The following AK5 variants were observed in gnomAD, a reference collection of about 807,000 sequenced individuals.
AK5 encodes the protein adenylate kinase isoenzyme 5.
In AK5, 27 loss-of-function variants were observed where a neutral mutation model predicts 69.5. The observed-to-expected ratio is 0.39, with a 90% CI of 0.29 to 0.54. The LOEUF is 0.54. Among genes scored for constraint, AK5 ranks in the 20% least tolerant of loss-of-function variants. The pLI is 0.71. For synonymous variants in AK5, 260 were observed against 244.4 expected, an observed-to-expected ratio of 1.06 and a Z score of -0.60; for missense variants, 531 against 700.4, an observed-to-expected ratio of 0.76 and a Z score of 2.73.
At chr1:77,530,275 G>A (rs140594929) in intron 12 of AK5, among the ~76,000 whole-genome samples, 4 of 152,148 alleles carry the variant, frequency 2.6e-5, no homozygotes, top group African/African-American at 9.7e-5. Flanking sequence ...AATGGTGTGT[G>A]GGGGGAGAAG....
At chr1:77,525,778 T>C (rs562951797) in intron 12 of AK5, among the ~76,000 whole-genome samples, 1 of 152,318 alleles carries the variant, frequency 6.6e-6, no homozygotes, top group African/African-American at 2.4e-5. Context: ...TGAGAGTTTA[T>C]TTTTGGACTG....
chr1:77,389,181 CAG>C (rs899519453), intron 6 of AK5, among the ~76,000 whole-genome samples: 1 of 152,166 alleles, frequency 6.6e-6, no homozygotes, highest in Non-Finnish European at 1.5e-5. Context: ...CTGATGTCTC[CAG>C]AGAGAGACTG....
At chr1:77,504,208 T>TC (rs1320099946) in intron 10 of AK5, among the ~76,000 whole-genome samples, 1 of 152,140 alleles carries the variant, frequency 6.6e-6, no homozygotes, top group Non-Finnish European at 1.5e-5. Context: ...TTTTATTATT[T>TC]CCCCCTAAGT....
chr1:77,482,925 C>T (rs375513760), intron 8 of AK5, among the ~76,000 whole-genome samples: 6 of 143,000 alleles, frequency 4.2e-5, no homozygotes, highest in Non-Finnish European at 9.1e-5. Context: ...TACCACTAAG[C>T]TTCTGATACC....
chr1:77,408,799 G>A (rs747430873), intron 6 of AK5, among the ~76,000 whole-genome samples: 32 of 151,862 alleles, frequency 2.1e-4, no homozygotes, highest in Non-Finnish European at 2.8e-4. Flanking sequence ...CACATGTAAA[G>A]GTTTGTTACA....
rs149355360 is a variant in AK5 at position 77,438,348 on chromosome 1, G to A, written c.1059+20633G>A. Among the ~76,000 whole-genome samples the A allele has an allele frequency of 6.8e-3, 883 of 129,132 alleles. 1 individual carries two copies. The highest frequency in any genetic ancestry group is 0.023 in the Middle Eastern group (5 of 218). The allele number at this position is 129,132 out of a possible 152,430, so 84.7% of individuals were successfully genotyped here. A position where few individuals can be genotyped will look rare whatever the true frequency, so the allele number is the denominator to read the frequency against. ...AACAAGCTTGGGGAGTTCAAATAAC[G>A]CCTAAGATGGCCATTGGTTTAAAAA... On this transcript the variant is annotated intron_variant, in intron 8 of 13. Transcript: ENST00000354567.
At chr1:77,303,994 T>C (rs1010055341) in intron 5 of AK5, among the ~76,000 whole-genome samples, 5 of 152,240 alleles carry the variant, frequency 3.3e-5, no homozygotes, top group African/African-American at 1.2e-4. Context: ...CATTTATCCA[T>C]TGAGTTGCAA....
At chr1:77,372,818 T>A (rs2100480464) in intron 6 of AK5, among the ~76,000 whole-genome samples, 1 of 152,182 alleles carries the variant, frequency 6.6e-6, no homozygotes, top group East Asian at 1.9e-4. Context: ...GCATCTTGTA[T>A]ATATGAGTTA....
At chr1:77,367,579 A>ATATGTT (rs71075732) in intron 6 of AK5, among the ~76,000 whole-genome samples, 911 of 53,348 alleles carry the variant, frequency 0.017, 129 homozygotes, top group South Asian at 0.04. Context: ...ATATATATAT[A>ATATGTT]ATATATATGT....
At chr1:77,315,748 T>C (rs1232367408) in intron 5 of AK5, among the ~76,000 whole-genome samples, 1 of 152,186 alleles carries the variant, frequency 6.6e-6, no homozygotes, top group Non-Finnish European at 1.5e-5. Context: ...TGCCAAAGAC[T>C]GGTGAAGCTT....
chr1:77,408,735 G>C (rs879057260), intron 6 of AK5, among the ~76,000 whole-genome samples: 7 of 151,728 alleles, frequency 4.6e-5, no homozygotes, highest in Admixed American at 4.6e-4. Context: ...TTTTATTTTT[G>C]TTTGTCATGT....
At chr1:77,497,273 A>G (rs1183548908) in intron 10 of AK5, among the ~76,000 whole-genome samples, 1 of 152,208 alleles carries the variant, frequency 6.6e-6, no homozygotes, top group Admixed American at 6.5e-5. Flanking sequence ...ACCGGGAGGA[A>G]CAAACAACTC....
At chr1:77,544,254 A>T (rs1471417678) in intron 13 of AK5, among the ~76,000 whole-genome samples, 1 of 152,218 alleles carries the variant, frequency 6.6e-6, no homozygotes, top group African/African-American at 2.4e-5. Context: ...GGTGCTCTGG[A>T]TGAGTCACTG....
intron 8 of AK5, among the ~76,000 whole-genome samples, chr1:77,443,337 C>A (rs1453584997): frequency 1.3e-5 from 2 of 152,116 alleles, no homozygotes; most frequent in Non-Finnish European, 2.9e-5. Context: ...TATATGCATC[C>A]ATTACAAACA....
chr1:77,496,357 C>A (rs1656314896), intron 10 of AK5, among the ~76,000 whole-genome samples: 1 of 152,204 alleles, frequency 6.6e-6, no homozygotes, highest in Admixed American at 6.5e-5. Context: ...ATAGTATGAA[C>A]TTCATCCTGT....
At chr1:77,386,410 C>T (rs1384103114) in intron 6 of AK5, among the ~76,000 whole-genome samples, 3 of 152,066 alleles carry the variant, frequency 2.0e-5, no homozygotes, top group East Asian at 1.9e-4. Context: ...TTTAAAAGAA[C>T]CTTGTGATTA....
At chr1:77,339,773 G>A (rs1420454654) in intron 5 of AK5, among the ~76,000 whole-genome samples, 1 of 151,268 alleles carries the variant, frequency 6.6e-6, no homozygotes, top group Admixed American at 6.6e-5. Context: ...AGACTCCTGA[G>A]TAGCTGGGAT....
intron 8 of AK5, among the ~76,000 whole-genome samples, chr1:77,458,031 G>C (rs1653602640): frequency 6.6e-6 from 1 of 150,522 alleles, no homozygotes; most frequent in Non-Finnish European, 1.5e-5. Flanking sequence ...GAGCCTAGGA[G>C]TTAGAGGCTG....
chr1:77,381,974 C>A (rs1043650236), intron 6 of AK5, among the ~76,000 whole-genome samples: 1 of 152,126 alleles, frequency 6.6e-6, no homozygotes, highest in Non-Finnish European at 1.5e-5. Flanking sequence ...GCACATGCCA[C>A]ACCCCTCCAC....
Sources: gnomAD v4.1 joint callset for allele counts (sites outside exome capture counted in the v4.1 genomes callset) on GRCh38, gnomAD v4.1.1 for gene constraint, MANE v1.5 for transcripts, NCBI Gene and HGNC (gene_info 2026-07-23, HGNC 2026-07-21) for gene names.